JMJD1C: variants seen among roughly 807,000 people sequenced by gnomAD.
The protein encoded by JMJD1C is jumonji domain containing 1C.
In JMJD1C, 31 loss-of-function variants were observed where a neutral mutation model predicts 245.3. The ratio of observed to expected loss-of-function variants is 0.13; its 90% CI spans 0.09 to 0.17. The LOEUF (loss-of-function observed/expected upper bound fraction) is 0.17. Ranked by LOEUF, JMJD1C falls within the 10% of genes least tolerant of loss-of-function variation. The pLI is 1.00. For missense variants in JMJD1C, 2,691 were observed against 3,000.2 expected, an observed-to-expected ratio of 0.90 and a Z score of 2.41; for synonymous variants, 1,057 against 1,017.4, an observed-to-expected ratio of 1.04 and a Z score of -0.74.
At chr10:63,369,897 A>T (rs1378829569) in intron 2 of JMJD1C, among the ~76,000 whole-genome samples, 1 of 152,122 alleles carries the variant, frequency 6.6e-6, no homozygotes, top group Non-Finnish European at 1.5e-5. Flanking sequence ...TAACAATGTG[A>T]TTTACAATGG....
intron 1 of JMJD1C, among the ~76,000 whole-genome samples, chr10:63,442,012 G>A (rs1015486526): frequency 2.0e-5 from 3 of 152,104 alleles, no homozygotes; most frequent in Non-Finnish European, 2.9e-5. Context: ...CTGTTCTGTG[G>A]ACTACACATC....
chr10:63,427,675 C>T (rs988493643), intron 1 of JMJD1C: 120 of 1,298,894 alleles, frequency 9.2e-5, no homozygotes, highest in African/African-American at 1.5e-4. Context: ...GACCGAAATC[C>T]GCAGAGAAGC....
At position 63,329,771 on chromosome 10, in the gene JMJD1C, T is replaced by A. The variant is rs1941941785; in HGVS notation, c.333+50547A>T. Among the ~76,000 whole-genome samples, 3 of 152,330 alleles carry A rather than the reference T, an allele frequency of 2.0e-5. 1 individual carries two copies. The highest frequency in any genetic ancestry group is 7.2e-5 in the African/African-American group (3 of 41,572). ...CGTTGATACTCTCTTTCAATGTGGG[T>A]TAGCAGCAGTAAGCCACAGCTCCCC... On this transcript the variant is annotated intron_variant, in intron 2 of 25. Coordinates refer to ENST00000399262, the MANE Select transcript of JMJD1C (RefSeq NM_032776.3).
At chr10:63,496,402 C>G (rs1398077190) in intron 1 of JMJD1C, among the ~76,000 whole-genome samples, 2 of 152,008 alleles carry the variant, frequency 1.3e-5, no homozygotes, top group South Asian at 4.1e-4. Flanking sequence ...ATAGAAACTA[C>G]CTAGGGGTAG....
intron 14 of JMJD1C, 112 bp downstream of exon 14, chr10:63,194,174 A>C (rs1022521152): frequency 4.1e-6 from 3 of 728,138 alleles, no homozygotes; most frequent in Non-Finnish European, 7.5e-6. Context: ...AAGACAATTC[A>C]AAACTAGTTA....
In JMJD1C at chr10:63,214,432, C is replaced by A. The variant is rs781531640; in HGVS notation, c.1735G>T (p.Val579Phe). The A allele has an allele frequency of 1.2e-6, 2 of 1,613,892 alleles. No homozygotes were observed. The highest frequency in any genetic ancestry group is 1.7e-6 in the Non-Finnish European group (2 of 1,179,936). Residue 579 changes from valine to phenylalanine, a missense_variant, in exon 8 of 26, where the codon GTT (valine) becomes TTT (phenylalanine). By Grantham distance (50) the Val-to-Phe change is conservative. Around this residue, in one of 9 missense-constraint regions of JMJD1C, gnomAD observed 1,562 missense variants for 1,490.7 expected, o/e 1.05. Transcript: ENST00000399262. ...TCATTTCCTGAAGAAGCATTTGTAA[C>A]ACTTGATTGGGTTAGATCCACTTTA... The part of the protein sequence containing the change: ...VVKVDLTQSS[V>F]TNASSGNDHL...
At chr10:63,296,975 A>G (rs1319967768) in intron 2 of JMJD1C, among the ~76,000 whole-genome samples, 1 of 152,180 alleles carries the variant, frequency 6.6e-6, no homozygotes, top group Non-Finnish European at 1.5e-5. Flanking sequence ...CTATATAATT[A>G]TTCCCTTCTT....
At chr10:63,461,209 G>T (rs1218552416) in intron 1 of JMJD1C, among the ~76,000 whole-genome samples, 1 of 152,034 alleles carries the variant, frequency 6.6e-6, no homozygotes, top group Non-Finnish European at 1.5e-5. Flanking sequence ...AAAATAGTTG[G>T]CATACTTACA....
In JMJD1C at chr10:63,248,103, C is replaced by A. The variant is rs180832848; in HGVS notation, c.447+16548G>T. 6.0e-3 allele frequency among the ~76,000 whole-genome samples: 907 copies of A among 152,136 alleles called. 6 individuals are homozygous for A. The highest frequency in any genetic ancestry group is 0.021 in the African/African-American group (883 of 41,518). The stretch of plus-strand genomic sequence containing the variant: ...ATTAGCTGGGTGTGGTGGCGGGCGC[C>A]TGTATCCCAGCCACTCAGGACGCTG... On this transcript the variant is annotated intron_variant, in intron 3 of 25. Coordinates refer to ENST00000399262, the MANE Select transcript of JMJD1C (RefSeq NM_032776.3).
chr10:63,191,508 A>AT (rs1239224840), intron 16 of JMJD1C, among the ~76,000 whole-genome samples: 1 of 152,200 alleles, frequency 6.6e-6, no homozygotes, highest in African/African-American at 2.4e-5. Flanking sequence ...CTACTGTGAG[A>AT]TAAAAACTGA....
At chr10:63,427,802 T>C in intron 1 of JMJD1C, 1 of 1,241,402 alleles carries the variant, frequency 8.1e-7, no homozygotes, top group Non-Finnish European at 1.2e-6. Context: ...TTGGCAAAGA[T>C]GAAATGCAAG....
chr10:63,319,907 G>A (rs186221338), intron 2 of JMJD1C, among the ~76,000 whole-genome samples: 59 of 152,284 alleles, frequency 3.9e-4, no homozygotes, highest in Non-Finnish European at 6.5e-4. Flanking sequence ...GGGATTACAG[G>A]CACATGCCAC....
intron 24 of JMJD1C, among the ~76,000 whole-genome samples, chr10:63,175,551 T>C (rs549916213): frequency 6.6e-5 from 10 of 152,332 alleles, no homozygotes; most frequent in East Asian, 5.8e-4. Context: ...ACTATACTTA[T>C]ATAAAATGTG....
intron 1 of JMJD1C, among the ~76,000 whole-genome samples, chr10:63,516,058 T>C (rs1195963197): frequency 2.0e-5 from 3 of 152,166 alleles, no homozygotes; most frequent in Non-Finnish European, 4.4e-5. Context: ...TATGGTACTT[T>C]CAGTTTTTCC....
chr10:63,288,500 G>T (rs1414359091), intron 2 of JMJD1C, among the ~76,000 whole-genome samples: 1 of 152,116 alleles, frequency 6.6e-6, no homozygotes, highest in Non-Finnish European at 1.5e-5. Context: ...AACTCATTTG[G>T]GTAAACACCA....
intron 1 of JMJD1C, among the ~76,000 whole-genome samples, chr10:63,517,462 CTATTACCGG>C (rs1429887876): frequency 6.6e-6 from 1 of 152,200 alleles, no homozygotes; most frequent in African/African-American, 2.4e-5. Flanking sequence ...ACCAAACATC[CTATTACCGG>C]TAGTAGAACT....
At chr10:63,348,313 T>C (rs552079367) in intron 2 of JMJD1C, among the ~76,000 whole-genome samples, 30 of 152,174 alleles carry the variant, frequency 2.0e-4, no homozygotes, top group South Asian at 1.9e-3. Flanking sequence ...ACTCTGAGAA[T>C]TGATAAAGTC....
chr10:63,486,008 G>T (rs1203777777), intron 1 of JMJD1C, among the ~76,000 whole-genome samples: 1 of 151,940 alleles, frequency 6.6e-6, no homozygotes, highest in Non-Finnish European at 1.5e-5. Context: ...CACAGAAGGG[G>T]CAACTAATCC....
chr10:63,433,193 T>G (rs1040156076), intron 1 of JMJD1C, among the ~76,000 whole-genome samples: 2 of 151,850 alleles, frequency 1.3e-5, no homozygotes, highest in African/African-American at 4.8e-5. Context: ...CCGACCCCAG[T>G]TCAAGCGATT....
Sources: gnomAD v4.1 joint callset for allele counts (sites outside exome capture counted in the v4.1 genomes callset) on GRCh38, gnomAD v4.1.1 for gene constraint, gnomAD v4.1.1 regional missense constraint, MANE v1.5 for transcripts, NCBI Gene and HGNC (gene_info 2026-07-23, HGNC 2026-07-21) for gene names.